Variants in FAM81A observed in about 807,000 individuals in gnomAD.
FAM81A encodes the protein protein FAM81A.
Under a neutral mutation model 46.7 loss-of-function variants are expected in FAM81A, and 19 were observed. The ratio of observed to expected loss-of-function variants is 0.41; its 90% confidence interval spans 0.28 to 0.60. FAM81A has a LOEUF of 0.60. Among genes scored for constraint, FAM81A ranks in the 20% least tolerant of loss-of-function variants. The pLI is 0.34. For missense variants in FAM81A, 377 were observed against 453.5 expected (o/e 0.83, Z 1.53); for synonymous variants, 183 against 152.9 (o/e 1.20, Z -1.45).
At chr15:59,466,422 T>C (rs2141663237) in intron 3 of FAM81A, among the ~76,000 whole-genome samples, 1 of 151,516 alleles carries the variant, frequency 6.6e-6, no homozygotes, top group Middle Eastern at 3.4e-3. Context: ...ATGGTATCTC[T>C]TTGCGGTTTT....
intron 4 of FAM81A, among the ~76,000 whole-genome samples, chr15:59,493,893 C>T (rs1269770748): frequency 6.6e-6 from 1 of 152,086 alleles, no homozygotes; most frequent in Non-Finnish European, 1.5e-5. Flanking sequence ...CGGCCTCCTC[C>T]TTCTTTTCTA....
At chr15:59,424,852 C>G (rs1305617913) in intron 2 of FAM81A, among the ~76,000 whole-genome samples, 2 of 152,152 alleles carry the variant, frequency 1.3e-5, no homozygotes, top group African/African-American at 4.8e-5. Flanking sequence ...ACTGGTTTCT[C>G]TACTTTCTCT....
intron 3 of FAM81A, among the ~76,000 whole-genome samples, chr15:59,463,676 T>C (rs1323021259): frequency 4.6e-5 from 7 of 151,910 alleles, no homozygotes; most frequent in Non-Finnish European, 1.0e-4. Context: ...GACCCTATCT[T>C]TCTCTAAAAA....
chr15:59,460,782 C>T lies in FAM81A; in HGVS notation c.294+576C>T, dbSNP rs1185874274. On this transcript the variant is annotated intron_variant, in intron 3 of 8. Transcript: ENST00000288228. The surrounding 1 kb of genome is among the most constrained non-coding windows in gnomAD (Gnocchi z 4.4). Reference sequence around the variant, plus strand: ...TTATTGAGCAATCACAGGGACCACACAGTTTAGTTCAGAAAGCTTCAGATC... The same window carrying T: ...TTATTGAGCAATCACAGGGACCACATAGTTTAGTTCAGAAAGCTTCAGATC... 3.4e-5 allele frequency: 6 copies of T among 177,946 alleles called. No homozygotes were observed. The highest frequency in any genetic ancestry group is 1.2e-4 in the African/African-American group (5 of 41,750). 11.0% of individuals were successfully genotyped at this position (177,946 alleles called of 1,614,324 possible). A position where few individuals can be genotyped will look rare whatever the true frequency, so the allele number is the denominator to read the frequency against.
chr15:59,404,594 C>A (rs769241813), intron 2 of FAM81A, among the ~76,000 whole-genome samples: 7 of 152,138 alleles, frequency 4.6e-5, no homozygotes, highest in Non-Finnish European at 7.4e-5. Flanking sequence ...CTGATTGAGA[C>A]GACACATATG....
intron 3 of FAM81A, among the ~76,000 whole-genome samples, chr15:59,477,479 G>T (rs1400648720): frequency 6.6e-6 from 1 of 152,158 alleles, no homozygotes; most frequent in Non-Finnish European, 1.5e-5. Context: ...GTCAAATCGA[G>T]ATATATTAAC....
chr15:59,449,795 A>C, intron 1 of FAM81A, among the ~76,000 whole-genome samples: 2 of 150,666 alleles, frequency 1.3e-5, no homozygotes, highest in African/African-American at 4.8e-5. Flanking sequence ...AAAAAAAAAA[A>C]AAAAAAAAAA....
chr15:59,423,526 C>T (rs1268456156), intron 2 of FAM81A, among the ~76,000 whole-genome samples: 3 of 152,208 alleles, frequency 2.0e-5, no homozygotes, highest in Non-Finnish European at 1.5e-5. Flanking sequence ...CAATCTGACT[C>T]CAAGACTTGA....
chr15:59,481,775 T>G (rs922104400), intron 3 of FAM81A, among the ~76,000 whole-genome samples: 2 of 151,836 alleles, frequency 1.3e-5, no homozygotes, highest in Non-Finnish European at 2.9e-5. Flanking sequence ...ACATTATGAA[T>G]ATATATTTTT....
intron 4 of FAM81A, among the ~76,000 whole-genome samples, chr15:59,495,327 G>A (rs2082022274): frequency 6.6e-6 from 1 of 152,062 alleles, no homozygotes; most frequent in Non-Finnish European, 1.5e-5. Flanking sequence ...ATGTTTTCAG[G>A]GTTCATCCAT....
In FAM81A at chr15:59,508,862, G is replaced by T; in HGVS notation, c.544-1G>T. 1 of 1,608,356 alleles carries T rather than the reference G, an allele frequency of 6.2e-7. No individual in the cohort carries two copies. The highest frequency in any genetic ancestry group is 8.5e-7 in the Non-Finnish European group (1 of 1,177,606). On this transcript the variant is annotated splice_acceptor_variant, in intron 5 of 8. Coordinates refer to ENST00000288228, the MANE Select transcript of FAM81A (RefSeq NM_152450.3). LOFTEE classifies it high-confidence loss of function. ...ATTTATAAGCAAGATTTCTTTTCCA[G>T]ATTTCTCAGCTTTTGAACAGAGTGG...
rs544924390 is a variant in FAM81A at position 59,402,380 on chromosome 15, A to T, written c.-78+22A>T. ...AGAGGTAACAGCATGTGGGACGGGG[A>T]GAGTCTGCTTGTATTCTTCTGCCTC... On this transcript the variant is annotated intron_variant, in intron 2 of 4. Coordinates refer to the FAM81A transcript ENST00000558348. 2.0e-5 allele frequency: 3 copies of T among 153,080 alleles called. No individual in the cohort carries two copies. The East Asian group carries it at 5.8e-4, about 29-fold the overall frequency. 9.5% of individuals were successfully genotyped at this position (153,080 alleles called of 1,614,324 possible).
At chr15:59,427,733 G>A (rs1344161277) in intron 2 of FAM81A, among the ~76,000 whole-genome samples, 6 of 152,094 alleles carry the variant, frequency 3.9e-5, no homozygotes, top group African/African-American at 1.4e-4. Flanking sequence ...TAAATGACAG[G>A]ATCTCATTCT....
At chr15:59,509,092 A>G in intron 6 of FAM81A, 123 bp downstream of exon 6, 1 of 741,126 alleles carries the variant, frequency 1.3e-6, no homozygotes, top group Non-Finnish European at 2.1e-6. Context: ...TGGAAGTTAA[A>G]AAGAAAAGTT....
chr15:59,401,113 G>T, intron 1 of FAM81A: 2 of 611,634 alleles, frequency 3.3e-6, no homozygotes, highest in Non-Finnish European at 3.0e-6. Flanking sequence ...TAAATCTCTT[G>T]ATGATTGCAG....
rs1210284849 is a variant in FAM81A at position 59,523,470 on chromosome 15, ACC to A, written c.*2093_*2094del. ...CGAGCCACAGTGCAGTTCTCTTCTC[ACC>A]AAAGCTCAAATGAGAATCAGCTTCC... On this transcript the variant is annotated 3_prime_UTR_variant, in exon 9 of 9. Transcript: ENST00000288228. 1.3e-5 allele frequency: 2 copies of A among 152,254 alleles called. No homozygotes were observed. The highest frequency in any genetic ancestry group is 4.8e-5 in the African/African-American group (2 of 41,464). The allele number at this position is 152,254 out of a possible 1,614,324, so 9.4% of individuals were successfully genotyped here.
rs79241065 is a variant in FAM81A at position 59,462,395 on chromosome 15, A to T, written c.294+2189A>T. On this transcript the variant is annotated intron_variant, in intron 3 of 8. Transcript: ENST00000288228. ...TGTGGTTTTAATTTGTATTTTCCTA[A>T]TGACTAATGATCTTGAACACCTTTT... is the stretch of plus-strand genomic sequence containing the variant. Among the ~76,000 whole-genome samples the T allele has an allele frequency of 6.4e-4, 98 of 152,172 alleles. No homozygotes were observed. The East Asian group carries it at 0.019, about 29-fold the overall frequency.
chr15:59,467,535 T>C (rs544336948), intron 3 of FAM81A, among the ~76,000 whole-genome samples: 1 of 152,344 alleles, frequency 6.6e-6, no homozygotes, highest in South Asian at 2.1e-4. Context: ...ATAGGAATGC[T>C]TGTGATTTTT....
At chr15:59,424,236 C>A (rs763214309) in intron 2 of FAM81A, among the ~76,000 whole-genome samples, 4 of 152,234 alleles carry the variant, frequency 2.6e-5, no homozygotes, top group Non-Finnish European at 5.9e-5. Context: ...CTTCTTTTGT[C>A]TTCTGTGTTA....
Sources: allele counts gnomAD v4.1 joint callset (sites outside exome capture counted in the v4.1 genomes callset), GRCh38; gene constraint gnomAD v4.1.1; non-coding constraint Gnocchi (gnomAD v3.1); transcripts MANE v1.5; gene names NCBI Gene and HGNC (gene_info 2026-07-23, HGNC 2026-07-21).